PACS2: variants seen among roughly 807,000 people sequenced by gnomAD.
PACS2 encodes phosphofurin acidic cluster sorting protein 2, also known as PACS1-like protein.
In PACS2, 36 loss-of-function variants were observed where a neutral mutation model predicts 113.0. That is an observed-to-expected ratio of 0.32 (90% CI 0.24 to 0.42). PACS2 has a LOEUF of 0.42. Ranked by LOEUF, PACS2 falls within the 10% of genes least tolerant of loss-of-function variation. The pLI is 1.00. For synonymous variants in PACS2, 589 were observed against 536.1 expected (o/e 1.10, Z -1.36); for missense variants, 1,015 against 1,239.5 (o/e 0.82, Z 2.72).
At chr14:105,391,986 A>C in intron 22 of PACS2, 1 of 564,180 alleles carries the variant, frequency 1.8e-6, no homozygotes, top group South Asian at 2.2e-5. Context: ...AAACTCCTGC[A>C]CAGTGAATAA....
In PACS2 at chr14:105,365,401, G is replaced by C. The variant is rs868958284; in HGVS notation, c.424-1812G>C. ...TCAAAATAGTGTTCACATATAGGTC[G>C]ACCACAGGCTGAGTGGAGCGGGGGC... is the stretch of plus-strand genomic sequence containing the variant. On this transcript the variant is annotated intron_variant, in intron 4 of 24. Coordinates refer to ENST00000447393, the MANE Select transcript of PACS2 (RefSeq NM_001100913.3). This position sits in a 1 kb window ranked among gnomAD's most constrained non-coding sequence, Gnocchi z 5.1. 6.6e-6 allele frequency among the ~76,000 whole-genome samples: 1 copy of C among 152,090 alleles called. No homozygotes were observed. Among genetic ancestry groups the C allele is most frequent in the African/African-American group, 2.4e-5 (1 of 41,424 alleles).
At chr14:105,374,106 C>G (rs1358821943) in intron 8 of PACS2, among the ~76,000 whole-genome samples, 2 of 148,608 alleles carry the variant, frequency 1.3e-5, no homozygotes, top group African/African-American at 5.0e-5. Flanking sequence ...AGTGAGCCAA[C>G]ATTGCATCAT....
rs1295639938 is a variant in PACS2, at chr14:105,355,288, G to A, written c.423+111G>A. 3 of 1,318,596 alleles carry A rather than the reference G, an allele frequency of 2.3e-6. No individual in the cohort carries two copies. Among genetic ancestry groups the A allele is most frequent in the African/African-American group, 3.0e-5 (2 of 67,676 alleles). 81.7% of individuals were successfully genotyped at this position (1,318,596 alleles called of 1,614,324 possible). A position where few individuals can be genotyped will look rare whatever the true frequency, so the allele number is the denominator to read the frequency against. On this transcript the variant is annotated intron_variant, in intron 4 of 24. Coordinates refer to ENST00000447393, the MANE Select transcript of PACS2 (RefSeq NM_001100913.3). The surrounding 1 kb of genome is among the most constrained non-coding windows in gnomAD (Gnocchi z 4.1). Reference sequence around the variant, plus strand: ...CCGGGTCCAGATGTCCAGGGATCAGGTGAAAATGATGAGAGGAGCCTGGGC... The same window carrying A: ...CCGGGTCCAGATGTCCAGGGATCAGATGAAAATGATGAGAGGAGCCTGGGC...
chr14:105,357,691 CG>C lies in PACS2; in HGVS notation c.423+2516del, dbSNP rs1242963715. Among the ~76,000 whole-genome samples, 4 of 152,148 alleles carry C rather than the reference CG, an allele frequency of 2.6e-5. No homozygotes were observed. The highest frequency in any genetic ancestry group is 2.9e-5 in the Non-Finnish European group (2 of 68,030). ...GGCGGGACAGCCCCGAGGGCACAGA[CG>C]GACACAGGTGGCAGAGGTGGGGGGC... On this transcript the variant is annotated intron_variant, in intron 4 of 24. Coordinates refer to ENST00000447393, the MANE Select transcript of PACS2 (RefSeq NM_001100913.3). The surrounding 1 kb of genome is among the most constrained non-coding windows in gnomAD (Gnocchi z 5.1).
rs2081532115 is a variant in PACS2, at chr14:105,396,492, C to CGTTTCTTT, written c.*1820_*1821insGTTTCTTT. ...CATCTGTTTTTCTGCTCTCCAGTTTCTTTTCTTTTTTTTTTTTTTTTTTTT... is the reference window on the plus strand; with the variant it reads ...CATCTGTTTTTCTGCTCTCCAGTTTCGTTTCTTTTTTTCTTTTTTTTTTTTTTTTTTTT... On this transcript the variant is annotated 3_prime_UTR_variant, in exon 25 of 25. Coordinates refer to ENST00000447393, the MANE Select transcript of PACS2 (RefSeq NM_001100913.3). The CGTTTCTTT allele has an allele frequency of 7.2e-6, 1 of 139,304 alleles. No individual in the cohort carries two copies. The allele number at this position is 139,304 out of a possible 1,614,324, so 8.6% of individuals were successfully genotyped here.
intron 9 of PACS2, among the ~76,000 whole-genome samples, chr14:105,377,866 C>CG (rs1555410857): frequency 6.6e-6 from 1 of 152,216 alleles, no homozygotes; most frequent in South Asian, 2.1e-4. Context: ...TCGCTGGGCT[C>CG]GGGTGGAGGT....
At chr14:105,386,601 C>T (rs1380825550) in intron 19 of PACS2, among the ~76,000 whole-genome samples, 5 of 152,100 alleles carry the variant, frequency 3.3e-5, no homozygotes, top group Admixed American at 6.5e-5. Context: ...CCCATGGGCT[C>T]GTTCTCTACC....
chr14:105,314,409 G>C (rs865995507), upstream of PACS2: 4 of 150,886 alleles, frequency 2.7e-5, no homozygotes, highest in South Asian at 2.1e-4. Context: ...AAGCTGGCCG[G>C]GACCCGGTGG....
Position 105,356,106 on chromosome 14 carries a change from C to T in PACS2, c.423+929C>T, listed in dbSNP as rs907536678. Among the ~76,000 whole-genome samples, 2 of 152,152 alleles carry T rather than the reference C, an allele frequency of 1.3e-5. No homozygotes were observed. Among genetic ancestry groups the T allele is most frequent in the Non-Finnish European group, 1.5e-5 (1 of 68,004 alleles). ...GCCCCTCTTCTTCCCACTTTGTCCC[C>T]CTGCTCCTGGGGCTTGGGGCTGGGA... On this transcript the variant is annotated intron_variant, in intron 4 of 24. Coordinates refer to ENST00000447393, the MANE Select transcript of PACS2 (RefSeq NM_001100913.3). This position sits in a 1 kb window ranked among gnomAD's most constrained non-coding sequence, Gnocchi z 4.0.
chr14:105,369,455 A>C (rs1021608296), intron 7 of PACS2, among the ~76,000 whole-genome samples: 1 of 152,062 alleles, frequency 6.6e-6, no homozygotes, highest in Non-Finnish European at 1.5e-5. Flanking sequence ...AGGCTCTTGG[A>C]GCACGCCCCA....
chr14:105,394,058 GGGT>G (rs1173339313), intron 24 of PACS2, among the ~76,000 whole-genome samples: 2 of 143,772 alleles, frequency 1.4e-5, no homozygotes, highest in African/African-American at 5.9e-5. Flanking sequence ...AAAAAAAAAG[GGGT>G]TTTGGAGAAG....
intron 12 of PACS2, 131 bp from the exon 13 acceptor site, chr14:105,381,783 A>C: frequency 1.3e-6 from 1 of 796,886 alleles, no homozygotes; most frequent in Non-Finnish European, 2.0e-6. Flanking sequence ...CCCACTGCCC[A>C]TCAGTCAGCC....
Position 105,376,652 on chromosome 14 carries a change from T to G in PACS2, c.802-116T>G. ...ACTACAGCCGTGCTGAGTGGAGGGG[T>G]TTGGTGGCTGGGTGCCCGCCTCCTA... On this transcript the variant is annotated intron_variant, in intron 8 of 24. Coordinates refer to ENST00000447393, the MANE Select transcript of PACS2 (RefSeq NM_001100913.3). The surrounding 1 kb of genome is among the most constrained non-coding windows in gnomAD (Gnocchi z 4.7). 1.1e-6 allele frequency: 1 copy of G among 894,022 alleles called. No homozygotes were observed. Among genetic ancestry groups the G allele is most frequent in the African/African-American group, 1.7e-5 (1 of 59,142 alleles). The allele number at this position is 894,022 out of a possible 1,614,324, so 55.4% of individuals were successfully genotyped here.
rs368129040 is a variant in PACS2, at chr14:105,391,562, C to T, written c.2120-69C>T. The T allele has an allele frequency of 1.4e-3, 1,975 of 1,401,932 alleles. 15 individuals are homozygous for T. In the African/African-American group the frequency reaches 0.021, roughly 15 times the overall value. 86.8% of individuals were successfully genotyped at this position (1,401,932 alleles called of 1,614,324 possible). On this transcript the variant is annotated intron_variant, in intron 21 of 24. Transcript: ENST00000447393. ...TGCCTGGCCTGGCCACATCCTGGTC[C>T]GGAGGGCCTGGTGGCACCCGGGCAG... is the stretch of plus-strand genomic sequence containing the variant.
intron 16 of PACS2, chr14:105,383,893 T>C: frequency 6.9e-6 from 2 of 289,770 alleles, no homozygotes; most frequent in South Asian, 4.9e-5. Flanking sequence ...GGGCTCGTTA[T>C]TAATCCTCTC....
chr14:105,373,798 AAG>A (rs2061246131), intron 8 of PACS2, among the ~76,000 whole-genome samples: 1 of 151,836 alleles, frequency 6.6e-6, no homozygotes, highest in Non-Finnish European at 1.5e-5. Flanking sequence ...AAAAAAAAAA[AAG>A]GAATTTGGAC....
chr14:105,368,169 G>A lies in PACS2; in HGVS notation c.660+22G>A, dbSNP rs781969260. On this transcript the variant is annotated intron_variant, in intron 6 of 24. Transcript: ENST00000447393. ...GCAGGTGACCTGGGGCCGGGGCTCC[G>A]CGCCCTCTCCTGGCTCACACCGGGT... The A allele has an allele frequency of 9.9e-5, 154 of 1,555,482 alleles. No individual in the cohort carries two copies. The East Asian group carries it at 3.0e-3, about 31-fold the overall frequency.
In PACS2 at chr14:105,397,520, T is replaced by C. The variant is rs1442766747; in HGVS notation, c.*2848T>C. The C allele has an allele frequency of 6.6e-6, 1 of 152,236 alleles. No homozygotes were observed. Among genetic ancestry groups the C allele is most frequent in the Non-Finnish European group, 1.5e-5 (1 of 68,102 alleles). 9.4% of individuals were successfully genotyped at this position (152,236 alleles called of 1,614,324 possible). A position where few individuals can be genotyped will look rare whatever the true frequency, so the allele number is the denominator to read the frequency against. ...CTGGTGGCCACTGTCCACTATTACGTAGACAGACCCCACCCTCACCCAGGC... is the reference window on the plus strand; with the variant it reads ...CTGGTGGCCACTGTCCACTATTACGCAGACAGACCCCACCCTCACCCAGGC... On this transcript the variant is annotated 3_prime_UTR_variant, in exon 25 of 25. Transcript: ENST00000447393.
chr14:105,324,589 CG>C lies in PACS2; in HGVS notation c.119+9553del, dbSNP rs1847156563. Among the ~76,000 whole-genome samples the C allele has an allele frequency of 6.6e-6, 1 of 152,184 alleles. No individual in the cohort carries two copies. The highest frequency in any genetic ancestry group is 1.5e-5 in the Non-Finnish European group (1 of 68,016). On this transcript the variant is annotated intron_variant, in intron 1 of 24. Transcript: ENST00000447393. This position sits in a 1 kb window ranked among gnomAD's most constrained non-coding sequence, Gnocchi z 4.7. Reference sequence around the variant, plus strand: ...CGTCCCTTTCTGCTCCGCAGGCGCGCGCCGATGTGTGCTCAGCTCAGGCCGA... The same window carrying C: ...CGTCCCTTTCTGCTCCGCAGGCGCGCCCGATGTGTGCTCAGCTCAGGCCGA...
Sources: allele counts gnomAD v4.1 joint callset (sites outside exome capture counted in the v4.1 genomes callset), GRCh38; gene constraint gnomAD v4.1.1; non-coding constraint Gnocchi (gnomAD v3.1); transcripts MANE v1.5; gene names NCBI Gene and HGNC (gene_info 2026-07-23, HGNC 2026-07-21).